Variants in ADAMTS12 observed in about 807,000 individuals in gnomAD.
The protein encoded by ADAMTS12 is ADAM metallopeptidase with thrombospondin type 1 motif 12.
ADAMTS12 carries 118 observed loss-of-function variants against 167.8 expected under a neutral mutation model. That is an observed-to-expected ratio of 0.70 (90% CI 0.61 to 0.82). The LOEUF is 0.82. Ranked by LOEUF, ADAMTS12 falls within the 40% of genes least tolerant of loss-of-function variation. The pLI is 0.00. For synonymous variants in ADAMTS12, 704 were observed against 716.9 expected, an observed-to-expected ratio of 0.98 and a Z score of 0.29; for missense variants, 1,916 against 1,998.8, an observed-to-expected ratio of 0.96 and a Z score of 0.79.
chr5:33,637,631 C>A lies in ADAMTS12; in HGVS notation c.1834G>T (p.Asp612Tyr). The A allele has an allele frequency of 6.2e-7, 1 of 1,613,700 alleles. No individual in the cohort carries two copies. Among genetic ancestry groups the A allele is most frequent in the South Asian group, 1.1e-5 (1 of 91,050 alleles). Residue 612 changes from aspartate to tyrosine, a missense_variant, in exon 12 of 24, where the codon GAC becomes TAC. Transcript: ENST00000504830. Reference protein sequence around the residue: ...TFRQMQCSEFDTVPYKNELYH... With the variant: ...TFRQMQCSEFYTVPYKNELYH... Reference sequence around the variant, plus strand: ...AGTTCATTCTTGTAGGGAACAGTGTCAAATTCACTGCACTGCATCTGCCGA... The same window carrying A: ...AGTTCATTCTTGTAGGGAACAGTGTAAAATTCACTGCACTGCATCTGCCGA...
intron 3 of ADAMTS12, among the ~76,000 whole-genome samples, chr5:33,689,666 G>A (rs1046142126): frequency 2.0e-5 from 3 of 152,140 alleles, no homozygotes; most frequent in Non-Finnish European, 4.4e-5. Context: ...GAAAAAAGAA[G>A]GAAAGCATCT....
intron 20 of ADAMTS12, among the ~76,000 whole-genome samples, chr5:33,555,722 T>C (rs961453325): frequency 4.6e-5 from 7 of 152,226 alleles, no homozygotes; most frequent in Admixed American, 2.6e-4. Context: ...TGATCAAGTA[T>C]ATATTGGTGA....
chr5:33,760,946 C>T (rs1745335159), intron 2 of ADAMTS12, among the ~76,000 whole-genome samples: 1 of 149,224 alleles, frequency 6.7e-6, no homozygotes, highest in South Asian at 2.1e-4. Flanking sequence ...AGCAGCAATC[C>T]ATAAACCCAC....
chr5:33,598,156 C>T (rs1321333688), intron 16 of ADAMTS12, among the ~76,000 whole-genome samples: 1 of 152,108 alleles, frequency 6.6e-6, no homozygotes, highest in Non-Finnish European at 1.5e-5. Context: ...CAGAGTTTCT[C>T]CACTGACATT....
intron 11 of ADAMTS12, among the ~76,000 whole-genome samples, chr5:33,638,908 G>A (rs1223748253): frequency 6.6e-6 from 1 of 152,186 alleles, no homozygotes. Flanking sequence ...GGGGAGACGT[G>A]AAGAAACTAT....
At chr5:33,885,446 G>A (rs960727024) in intron 1 of ADAMTS12, among the ~76,000 whole-genome samples, 2 of 152,114 alleles carry the variant, frequency 1.3e-5, no homozygotes, top group African/African-American at 4.8e-5. Context: ...TCCAGCCTGG[G>A]CAACAGAGTA....
chr5:33,871,420 AAT>A (rs1363185931), intron 2 of ADAMTS12, among the ~76,000 whole-genome samples: 5 of 152,184 alleles, frequency 3.3e-5, no homozygotes. Flanking sequence ...ACTACAAAAG[AAT>A]ATCTTTCATA....
chr5:33,588,550 C>T (rs1280931069), intron 18 of ADAMTS12, 49 bp downstream of exon 18: 2 of 1,594,188 alleles, frequency 1.3e-6, no homozygotes, highest in African/African-American at 2.7e-5. Context: ...AAGGCAGGGG[C>T]TGATGAAGCT....
At chr5:33,840,887 A>G (rs776948484) in intron 2 of ADAMTS12, among the ~76,000 whole-genome samples, 10 of 152,200 alleles carry the variant, frequency 6.6e-5, no homozygotes, top group Non-Finnish European at 1.3e-4. Context: ...AATCAGCCTC[A>G]GTTTAGTGCA....
chr5:33,791,601 GC>G (rs528115147), intron 2 of ADAMTS12, among the ~76,000 whole-genome samples: 355 of 152,236 alleles, frequency 2.3e-3, no homozygotes, highest in African/African-American at 7.8e-3. Context: ...ATAATAGGCA[GC>G]TAAGCCACTT....
chr5:33,541,489 C>A lies in ADAMTS12; in HGVS notation c.4446+4570G>T, dbSNP rs560968514. Among the ~76,000 whole-genome samples the A allele has an allele frequency of 7.2e-5, 11 of 152,292 alleles. No homozygotes were observed. In the East Asian group the frequency reaches 1.2e-3, roughly 16 times the overall value. On this transcript the variant is annotated intron_variant, in intron 22 of 23. Coordinates refer to ENST00000504830, the MANE Select transcript of ADAMTS12 (RefSeq NM_030955.4). ...AACTCAGGAAATACAGAGAACACCA[C>A]AAAGATACTCCTCGAGAAGAGCAAC...
chr5:33,752,208 G>T (rs1745015250), intron 2 of ADAMTS12, among the ~76,000 whole-genome samples: 1 of 152,160 alleles, frequency 6.6e-6, no homozygotes, highest in Non-Finnish European at 1.5e-5. Flanking sequence ...CCTTTTAGAG[G>T]TCAGGTCTAG....
intron 19 of ADAMTS12, among the ~76,000 whole-genome samples, chr5:33,571,195 A>G (rs1401851327): frequency 6.6e-6 from 1 of 152,156 alleles, no homozygotes; most frequent in Admixed American, 6.5e-5. Context: ...AACGAGACAG[A>G]AAGTTAACAA....
chr5:33,571,096 C>T (rs1306052031), intron 19 of ADAMTS12, among the ~76,000 whole-genome samples: 2 of 152,206 alleles, frequency 1.3e-5, no homozygotes, highest in African/African-American at 2.4e-5. Context: ...ATTCATAAAG[C>T]TAGCCCTGAG....
At chr5:33,712,293 G>A (rs570034920) in intron 3 of ADAMTS12, among the ~76,000 whole-genome samples, 5 of 152,174 alleles carry the variant, frequency 3.3e-5, no homozygotes, top group South Asian at 2.1e-4. Context: ...TCAGGACTTC[G>A]AATGATGGCA....
chr5:33,646,555 CA>C (rs1740673007), intron 9 of ADAMTS12, among the ~76,000 whole-genome samples: 1 of 152,162 alleles, frequency 6.6e-6, no homozygotes, highest in South Asian at 2.1e-4. Context: ...CCATGCTGCT[CA>C]TGAAGTCAAC....
chr5:33,655,068 T>C (rs1027120920), intron 7 of ADAMTS12, among the ~76,000 whole-genome samples: 1 of 152,102 alleles, frequency 6.6e-6, no homozygotes, highest in East Asian at 1.9e-4. Flanking sequence ...GTTTTTGATA[T>C]AGTGTTCAGT....
In ADAMTS12 at chr5:33,569,271, T is replaced by A. The variant is rs183974073; in HGVS notation, c.3972+6783A>T. 1.6e-3 allele frequency among the ~76,000 whole-genome samples: 248 copies of A among 152,368 alleles called. 1 individual carries two copies. Among genetic ancestry groups the A allele is most frequent in the African/African-American group, 5.8e-3 (241 of 41,586 alleles). On this transcript the variant is annotated intron_variant, in intron 19 of 23. Transcript: ENST00000504830. ...TTCTCCCAGCACGCAGCTGGAGATC[T>A]GAGAACGGGCAGACTGCCTCCTCAA...
At chr5:33,665,301 A>C (rs1023248550) in intron 5 of ADAMTS12, among the ~76,000 whole-genome samples, 3 of 152,224 alleles carry the variant, frequency 2.0e-5, no homozygotes. Flanking sequence ...GAATAAGTTC[A>C]AGAGATCTAT....
Sources: gnomAD v4.1 joint callset for allele counts (sites outside exome capture counted in the v4.1 genomes callset) on GRCh38, gnomAD v4.1.1 for gene constraint, MANE v1.5 for transcripts, NCBI Gene and HGNC (gene_info 2026-07-23, HGNC 2026-07-21) for gene names.